Variants in TJP2 observed in about 807,000 individuals in gnomAD.
The protein encoded by TJP2 is Friedreich ataxia region gene X104 (tight junction protein ZO-2).
In TJP2, 91 loss-of-function variants were observed where a neutral mutation model predicts 133.1. That is an observed-to-expected ratio of 0.68 (90% CI 0.58 to 0.81). The LOEUF is 0.81. TJP2 is among the 40% of genes least tolerant of loss of function. The probability of loss-of-function intolerance (pLI) is 0.00; values close to 1 mark genes in which losing one functional copy is unlikely to be tolerated. For synonymous variants in TJP2, 592 were observed against 583.4 expected (o/e 1.01, Z -0.21); for missense variants, 1,541 against 1,565.6 (o/e 0.98, Z 0.26).
intron 7 of TJP2, 61 bp downstream of exon 7, chr9:69,226,236 C>G (rs767434595): frequency 2.6e-5 from 41 of 1,578,164 alleles, no homozygotes; most frequent in Non-Finnish European, 3.5e-5. Flanking sequence ...CTTCCCCATT[C>G]TTCTATTTAG....
At chr9:69,154,075 A>C (rs1441240030) in intron 2 of TJP2, among the ~76,000 whole-genome samples, 1 of 152,222 alleles carries the variant, frequency 6.6e-6, no homozygotes, top group Non-Finnish European at 1.5e-5. Context: ...CCATTTGTAA[A>C]TAAAGAACTT....
chr9:69,159,617 G>A (rs946053609), intron 2 of TJP2, among the ~76,000 whole-genome samples: 93 of 151,936 alleles, frequency 6.1e-4, no homozygotes, highest in Admixed American at 4.7e-3. Context: ...AGTGGCTCAC[G>A]CCTGTAATCC....
rs934794028 is a variant in TJP2 at position 69,249,137 on chromosome 9, T to C, written c.2881-238T>C. 5.3e-6 allele frequency: 7 copies of C among 1,329,034 alleles called. No individual in the cohort carries two copies. The African/African-American group carries it at 1.0e-4, about 20-fold the overall frequency. The allele number at this position is 1,329,034 out of a possible 1,614,324, so 82.3% of individuals were successfully genotyped here. A position where few individuals can be genotyped will look rare whatever the true frequency, so the allele number is the denominator to read the frequency against. Reference sequence around the variant, plus strand: ...AGTGACACAAGAGATTTTAGACTTTTGGAGGGTTCTTAAAAAATTGTGCTT... The same window carrying C: ...AGTGACACAAGAGATTTTAGACTTTCGGAGGGTTCTTAAAAAATTGTGCTT... On this transcript the variant is annotated intron_variant, in intron 19 of 22. Coordinates refer to ENST00000377245, the MANE Select transcript of TJP2 (RefSeq NM_004817.4).
chr9:69,169,128 CTG>C (rs1259575834), intron 2 of TJP2, among the ~76,000 whole-genome samples: 2 of 152,188 alleles, frequency 1.3e-5, no homozygotes, highest in African/African-American at 4.8e-5. Flanking sequence ...TTAGTCATCT[CTG>C]TAGTTGAGCA....
intron 11 of TJP2, 41 bp from the exon 12 acceptor site, chr9:69,234,398 C>CTTTCTTTCTTTCTTTTTT: frequency 3.1e-6 from 3 of 982,282 alleles, no homozygotes; most frequent in African/African-American, 3.9e-5. Context: ...TTCTTTCTTT[C>CTTTCTTTCTTTCTTTTTT]TTTTTTTTTT....
At chr9:69,222,082 G>T (rs1191407599) in intron 5 of TJP2, among the ~76,000 whole-genome samples, 2 of 151,932 alleles carry the variant, frequency 1.3e-5, no homozygotes, top group African/African-American at 4.8e-5. Flanking sequence ...GTGTTGGCCA[G>T]GCTGGTCTTG....
intron 4 of TJP2, among the ~76,000 whole-genome samples, chr9:69,219,093 C>G (rs937038950): frequency 5.3e-5 from 8 of 152,056 alleles, no homozygotes; most frequent in Non-Finnish European, 1.0e-4. Context: ...CCTCAGCCTC[C>G]CGAGTAGCTG....
At chr9:69,179,572 G>A (rs1564407724) in intron 1 of TJP2, among the ~76,000 whole-genome samples, 3 of 149,478 alleles carry the variant, frequency 2.0e-5, no homozygotes, top group African/African-American at 7.4e-5. Context: ...GCAGTGGTGC[G>A]ATCTCGGCTC....
At chr9:69,129,030 A>G (rs1270058000) in intron 1 of TJP2, among the ~76,000 whole-genome samples, 2 of 152,210 alleles carry the variant, frequency 1.3e-5, no homozygotes, top group African/African-American at 4.8e-5. Context: ...TGATGTTCCT[A>G]AAGATTTGAA....
At chr9:69,128,966 A>T (rs1045800352) in intron 1 of TJP2, among the ~76,000 whole-genome samples, 1 of 152,206 alleles carries the variant, frequency 6.6e-6, no homozygotes, top group Non-Finnish European at 1.5e-5. Context: ...AAATTGAGCC[A>T]TTTGCTCTTT....
intron 2 of TJP2, among the ~76,000 whole-genome samples, chr9:69,214,700 G>A (rs1828217402): frequency 6.6e-6 from 1 of 151,750 alleles, no homozygotes; most frequent in African/African-American, 2.4e-5. Flanking sequence ...AACCCTCCCT[G>A]TCTCTCTACT....
chr9:69,212,168 C>T lies in TJP2; in HGVS notation c.61-380C>T, dbSNP rs988024507. 2.6e-5 allele frequency among the ~76,000 whole-genome samples: 4 copies of T among 152,044 alleles called. 1 individual carries two copies. The highest frequency in any genetic ancestry group is 5.9e-5 in the Non-Finnish European group (4 of 68,024). ...CATAAACATGCAGAAAACTTGCCTA[C>T]GAGGTCACCTTTGACAGGAAGAGGG... On this transcript the variant is annotated intron_variant, in intron 1 of 22. Coordinates refer to ENST00000377245, the MANE Select transcript of TJP2 (RefSeq NM_004817.4).
chr9:69,206,770 G>C (rs1212808772), intron 1 of TJP2, among the ~76,000 whole-genome samples: 2 of 151,720 alleles, frequency 1.3e-5, no homozygotes, highest in Non-Finnish European at 2.9e-5. Context: ...GTAGAGATGG[G>C]GTTTAACCAT....
Position 69,221,437 on chromosome 9 carries a change from A to G in TJP2, c.893A>G (p.Glu298Gly), listed in dbSNP as rs1261833523. 1.9e-6 allele frequency: 3 copies of G among 1,592,806 alleles called. No individual in the cohort carries two copies. The highest frequency in any genetic ancestry group is 2.6e-6 in the Non-Finnish European group (3 of 1,169,598). Reference sequence around the variant, plus strand: ...CCGCACTCACGGAGCCCCAGCCCCGAGCCTAGGGGGCGGCCGGGGCCCATC... The same window carrying G: ...CCGCACTCACGGAGCCCCAGCCCCGGGCCTAGGGGGCGGCCGGGGCCCATC... The part of the protein sequence containing the change: ...EHPHSRSPSP[E>G]PRGRPGPIGV... The change falls in exon 5 of 23, where the codon GAG (glutamate) becomes GGG (glycine). Residue 298 changes from glutamate (E) to glycine (G), a missense_variant. Transcript: ENST00000377245.
intron 2 of TJP2, among the ~76,000 whole-genome samples, chr9:69,157,646 A>G (rs1823841613): frequency 6.6e-6 from 1 of 152,034 alleles, no homozygotes; most frequent in Non-Finnish European, 1.5e-5. Context: ...TTGTATTTTT[A>G]GTGGAGACGG....
chr9:69,230,702 A>C (rs1829707963), intron 11 of TJP2, among the ~76,000 whole-genome samples: 1 of 152,122 alleles, frequency 6.6e-6, no homozygotes, highest in South Asian at 2.1e-4. Flanking sequence ...GTTCACCCTG[A>C]GACTCAGGTT....
intron 11 of TJP2, among the ~76,000 whole-genome samples, 173 bp from the exon 12 acceptor site, chr9:69,234,266 A>G (rs1393483632): frequency 6.6e-6 from 1 of 152,168 alleles, no homozygotes; most frequent in African/African-American, 2.4e-5. Flanking sequence ...CGAGGACTTG[A>G]ATAGTGACAT....
At chr9:69,199,741 TTCCAGCTA>T (rs1256452874) in intron 1 of TJP2, among the ~76,000 whole-genome samples, 1 of 152,158 alleles carries the variant, frequency 6.6e-6, no homozygotes, top group African/African-American at 2.4e-5. Flanking sequence ...CTTTCCTTCT[TTCCAGCTA>T]TCCAGTAACA....
chr9:69,243,399 A>G (rs757166715), intron 17 of TJP2, among the ~76,000 whole-genome samples: 1 of 152,244 alleles, frequency 6.6e-6, no homozygotes, highest in Non-Finnish European at 1.5e-5. Context: ...CAAGTCTTAC[A>G]GTACTTCTCA....
Sources: gnomAD v4.1 joint callset for allele counts (sites outside exome capture counted in the v4.1 genomes callset) on GRCh38, gnomAD v4.1.1 for gene constraint, MANE v1.5 for transcripts, NCBI Gene and HGNC (gene_info 2026-07-23, HGNC 2026-07-21) for gene names.